The following TMEM63A variants were observed in gnomAD, a reference collection of about 807,000 sequenced individuals.
The protein encoded by TMEM63A is transmembrane protein 63A, also known as mechanosensitive cation channel TMEM63A.
A neutral mutation model predicts 100.6 loss-of-function variants in TMEM63A; 76 were observed. The ratio of observed to expected loss-of-function variants is 0.76; its 90% CI spans 0.63 to 0.91. The LOEUF (loss-of-function observed/expected upper bound fraction) is 0.91, where lower values mean the gene tolerates loss of function less well. Among genes scored for constraint, TMEM63A ranks in the 40% least tolerant of loss-of-function variants. The probability of loss-of-function intolerance (pLI) is 0.00; values close to 1 mark genes in which losing one functional copy is unlikely to be tolerated. For synonymous variants in TMEM63A, 401 were observed against 401.1 expected (o/e 1.00, Z 0.00); for missense variants, 876 against 1,008.8 (o/e 0.87, Z 1.78).
chr1:225,845,031 G>A, downstream of TMEM63A: 6 of 1,121,388 alleles, frequency 5.4e-6, no homozygotes, highest in Non-Finnish European at 8.0e-6. Context: ...TTTCTTTATG[G>A]CTCCTTGTGG....
chr1:225,842,486 G>C, downstream of TMEM63A: 2 of 1,585,108 alleles, frequency 1.3e-6, no homozygotes, highest in Middle Eastern at 1.7e-4. Context: ...TGAGGCCCTG[G>C]TTTGCCCCTG....
chr1:225,844,622 C>T (rs566570735), downstream of TMEM63A: 35 of 1,613,984 alleles, frequency 2.2e-5, no homozygotes, highest in Middle Eastern at 1.6e-4. Context: ...GAAGCATGAG[C>T]GGTGAGCCTG....
At chr1:225,855,715 C>G (rs1669578897) in intron 18 of TMEM63A, among the ~76,000 whole-genome samples, 163 bp downstream of exon 18, 1 of 152,210 alleles carries the variant, frequency 6.6e-6, no homozygotes, top group South Asian at 2.1e-4. Context: ...TACCAGAAAC[C>G]TGGCAGGGTG....
At chr1:225,848,290 A>G (rs896752647) in intron 23 of TMEM63A, 8 of 592,228 alleles carry the variant, frequency 1.4e-5, no homozygotes, top group African/African-American at 9.3e-5. Flanking sequence ...ACAAGACTCT[A>G]TCTCCTCAAC....
chr1:225,863,225 T>C, intron 10 of TMEM63A: 1 of 241,382 alleles, frequency 4.1e-6, no homozygotes, highest in South Asian at 5.4e-5. Context: ...ATTTTTATTT[T>C]TTGTAGAGAC....
chr1:225,865,923 C>T lies in TMEM63A; in HGVS notation c.720G>A (p.Arg240=), dbSNP rs541703309. 1 of 1,614,064 alleles carries T rather than the reference C, an allele frequency of 6.2e-7. No homozygotes were observed. The highest frequency in any genetic ancestry group is 2.2e-5 in the East Asian group (1 of 44,872). ...GGAAGTGGCTCTCCACAGTCTCCTT[C>T]CTGGCATCTCTGGGGAGTCCTGTGA... The part of the protein sequence containing the change: ...LFITGLPRDA[R]KETVESHFRD... The change falls in exon 10 of 25, where the codon AGG becomes AGA. Residue 240 remains arginine (R), a synonymous_variant. Coordinates refer to ENST00000366835, the MANE Select transcript of TMEM63A (RefSeq NM_014698.3). The surrounding 1 kb of genome is among the most constrained non-coding windows in gnomAD (Gnocchi z 4.6).
chr1:225,844,552 C>T, downstream of TMEM63A: 1 of 1,614,170 alleles, frequency 6.2e-7, no homozygotes, highest in East Asian at 2.2e-5. Flanking sequence ...GGACAACAGG[C>T]ACCATCATCT....
chr1:225,851,827 A>G (rs1669355139), intron 20 of TMEM63A, among the ~76,000 whole-genome samples: 2 of 152,256 alleles, frequency 1.3e-5, no homozygotes, highest in South Asian at 4.1e-4. Flanking sequence ...GTTTCCTTCT[A>G]GAGCCTTTCA....
intron 22 of TMEM63A, 80 bp downstream of exon 22, chr1:225,848,817 T>G: frequency 8.8e-7 from 1 of 1,140,938 alleles, no homozygotes; most frequent in East Asian, 2.6e-5. Flanking sequence ...CAGACAAGGG[T>G]GGGCGGGGTT....
chr1:225,873,803 T>C (rs1265945558), intron 4 of TMEM63A, among the ~76,000 whole-genome samples: 1 of 152,180 alleles, frequency 6.6e-6, no homozygotes, highest in Non-Finnish European at 1.5e-5. Context: ...CCCAAGCTAA[T>C]TAATTTCAAA....
chr1:225,854,735 T>A (rs1029036769), intron 18 of TMEM63A, among the ~76,000 whole-genome samples: 4 of 152,136 alleles, frequency 2.6e-5, no homozygotes, highest in African/African-American at 9.7e-5. Context: ...CCGCATAAGT[T>A]AATTCAGGAG....
rs1669230862 is a variant in TMEM63A, at chr1:225,849,788, CTG to C, written c.2071+122_2071+123del. 3 of 1,269,880 alleles carry C rather than the reference CTG, an allele frequency of 2.4e-6. No homozygotes were observed. In the Admixed American group the frequency reaches 7.2e-5, roughly 31 times the overall value. 78.7% of individuals were successfully genotyped at this position (1,269,880 alleles called of 1,614,324 possible). A position where few individuals can be genotyped will look rare whatever the true frequency, so the allele number is the denominator to read the frequency against. ...ATGGGACACCTAACCAGCCCTCACT[CTG>C]GGCACCACATTCTGACTGGATGCCA... On this transcript the variant is annotated intron_variant, in intron 21 of 24. Coordinates refer to ENST00000366835, the MANE Select transcript of TMEM63A (RefSeq NM_014698.3).
downstream of TMEM63A, among the ~76,000 whole-genome samples, chr1:225,842,168 T>TTTATCAGA (rs1668482093): frequency 6.6e-6 from 1 of 152,204 alleles, no homozygotes; most frequent in Non-Finnish European, 1.5e-5. Flanking sequence ...ATCGTCCCTG[T>TTTATCAGA]TTATCAGATG....
downstream of TMEM63A, chr1:225,845,119 C>A: frequency 6.2e-7 from 1 of 1,613,200 alleles, no homozygotes; most frequent in Non-Finnish European, 8.5e-7. Flanking sequence ...CACAGCCTCA[C>A]CCCTCCGTCG....
Position 225,872,838 on chromosome 1 carries a change from C to G in TMEM63A, c.267-785G>C, listed in dbSNP as rs1215957224. ...TCTCCCGAGTAGCTGGGCTTACAGG[C>G]ACCCGCCACCATGCCTGGCTAATTT... On this transcript the variant is annotated intron_variant, in intron 4 of 24. Transcript: ENST00000366835. Among the ~76,000 whole-genome samples the G allele has an allele frequency of 3.9e-5, 6 of 151,908 alleles. No individual in the cohort carries two copies. In the South Asian group the frequency reaches 8.3e-4, roughly 21 times the overall value.
chr1:225,874,207 C>G lies in TMEM63A; in HGVS notation c.266+81G>C. Reference sequence around the variant, plus strand: ...CACTATACACACATATATGCACACACGCACATATACACACTCACGCACATA... The same window carrying G: ...CACTATACACACATATATGCACACAGGCACATATACACACTCACGCACATA... On this transcript the variant is annotated intron_variant, in intron 4 of 24. Coordinates refer to ENST00000366835, the MANE Select transcript of TMEM63A (RefSeq NM_014698.3). 4 of 1,325,906 alleles carry G rather than the reference C, an allele frequency of 3.0e-6. No homozygotes were observed. The Admixed American group carries it at 7.6e-5, about 25-fold the overall frequency. The allele number at this position is 1,325,906 out of a possible 1,614,324, so 82.1% of individuals were successfully genotyped here.
At chr1:225,848,758 C>T in intron 22 of TMEM63A, 139 bp downstream of exon 22, 2 of 862,524 alleles carry the variant, frequency 2.3e-6, no homozygotes. Context: ...CCACCCACGC[C>T]TTTCCCATGG....
At chr1:225,858,430 T>C (rs1265865508) in intron 15 of TMEM63A, among the ~76,000 whole-genome samples, 1 of 151,272 alleles carries the variant, frequency 6.6e-6, no homozygotes, top group Non-Finnish European at 1.5e-5. Flanking sequence ...GTTCAAGCGA[T>C]TCTCCTGCCT....
chr1:225,875,601 T>C (rs535081070), intron 3 of TMEM63A, among the ~76,000 whole-genome samples: 1 of 152,294 alleles, frequency 6.6e-6, no homozygotes, highest in South Asian at 2.1e-4. Flanking sequence ...AGGTGAGTCA[T>C]GTTGTAGGAA....
Sources: allele counts gnomAD v4.1 joint callset (sites outside exome capture counted in the v4.1 genomes callset), GRCh38; gene constraint gnomAD v4.1.1; non-coding constraint Gnocchi (gnomAD v3.1); transcripts MANE v1.5; gene names NCBI Gene and HGNC (gene_info 2026-07-23, HGNC 2026-07-21).